The following LDB2 variants were observed in gnomAD, a reference collection of about 807,000 sequenced individuals.
The protein encoded by LDB2 is LIM domain-binding protein 2.
A neutral mutation model predicts 44.3 loss-of-function variants in LDB2; 12 were observed. That is an observed-to-expected ratio of 0.27 (90% CI 0.17 to 0.44). The LOEUF (loss-of-function observed/expected upper bound fraction) is 0.44, where lower values mean the gene tolerates loss of function less well. LDB2 is among the 20% of genes least tolerant of loss of function. The pLI is 1.00. For missense variants in LDB2, 344 were observed against 473.5 expected (o/e 0.73, Z 2.54); for synonymous variants, 164 against 174.8 (o/e 0.94, Z 0.49).
rs536706550 is a variant in LDB2, at chr4:16,608,610, A to G, written c.236-12735T>C. ...GGACCTAGGTGCCAATGCTTACAGC[A>G]GCACGTCACTAATGTCTCTCATAGG... is the stretch of plus-strand genomic sequence containing the variant. On this transcript the variant is annotated intron_variant, in intron 2 of 7. Transcript: ENST00000304523. 7.9e-5 allele frequency among the ~76,000 whole-genome samples: 12 copies of G among 152,336 alleles called. 1 individual carries two copies. In the South Asian group the frequency reaches 1.0e-3, roughly 13 times the overall value.
chr4:16,630,849 A>T (rs538205078), intron 2 of LDB2, among the ~76,000 whole-genome samples: 224 of 152,344 alleles, frequency 1.5e-3, no homozygotes, highest in African/African-American at 5.0e-3. Context: ...GAAGGCCATT[A>T]CATAATGGTA....
intron 5 of LDB2, among the ~76,000 whole-genome samples, chr4:16,535,214 AGGAGAG>A (rs1731403285): frequency 1.3e-5 from 2 of 152,224 alleles, no homozygotes; most frequent in South Asian, 4.1e-4. Flanking sequence ...TCTCACAGGC[AGGAGAG>A]ACCCTCATCT....
chr4:16,891,936 C>A (rs1369079116), intron 1 of LDB2, among the ~76,000 whole-genome samples: 1 of 152,216 alleles, frequency 6.6e-6, no homozygotes, highest in Non-Finnish European at 1.5e-5. Context: ...AAACTACCGT[C>A]TATTTGACCT....
rs530947905 is a variant in LDB2, at chr4:16,842,469, T to C, written c.132+55885A>G. Among the ~76,000 whole-genome samples, 5 of 152,322 alleles carry C rather than the reference T, an allele frequency of 3.3e-5. No homozygotes were observed. In the South Asian group the frequency reaches 1.0e-3, roughly 32 times the overall value. On this transcript the variant is annotated intron_variant, in intron 1 of 7. Coordinates refer to ENST00000304523, the MANE Select transcript of LDB2 (RefSeq NM_001290.5). Reference sequence around the variant, plus strand: ...GCTCTAAACAGTTATTTAAAATATATAAACTAGCTAATTTACCTGTGAATA... The same window carrying C: ...GCTCTAAACAGTTATTTAAAATATACAAACTAGCTAATTTACCTGTGAATA...
At chr4:16,734,758 G>C (rs1201894296) in intron 2 of LDB2, among the ~76,000 whole-genome samples, 1 of 148,820 alleles carries the variant, frequency 6.7e-6, no homozygotes, top group Non-Finnish European at 1.5e-5. Flanking sequence ...GCCCAGGCTG[G>C]ACTGCAGTGG....
intron 2 of LDB2, among the ~76,000 whole-genome samples, chr4:16,715,117 C>T (rs140746117): frequency 1.6e-4 from 24 of 152,154 alleles, no homozygotes; most frequent in East Asian, 1.4e-3. Flanking sequence ...CACAACAGCC[C>T]GATGTGATAG....
At chr4:16,736,237 C>T (rs1405030997) in intron 2 of LDB2, among the ~76,000 whole-genome samples, 3 of 152,184 alleles carry the variant, frequency 2.0e-5, no homozygotes, top group African/African-American at 7.2e-5. Context: ...GCTACATTCA[C>T]CTGCATGCCT....
At chr4:16,814,974 C>A (rs1483345228) in intron 1 of LDB2, among the ~76,000 whole-genome samples, 1 of 152,144 alleles carries the variant, frequency 6.6e-6, no homozygotes, top group African/African-American at 2.4e-5. Flanking sequence ...AAACAATGCC[C>A]GATTTATGGA....
At chr4:16,681,824 G>A (rs547515056) in intron 2 of LDB2, among the ~76,000 whole-genome samples, 90 of 151,876 alleles carry the variant, frequency 5.9e-4, no homozygotes, top group Admixed American at 9.2e-4. Flanking sequence ...GCCCGCCTTG[G>A]CCTCCCAAAG....
At chr4:16,586,172 A>T (rs1000405862) in intron 4 of LDB2, among the ~76,000 whole-genome samples, 167 bp from the exon 5 acceptor site, 1 of 152,222 alleles carries the variant, frequency 6.6e-6, no homozygotes, top group Non-Finnish European at 1.5e-5. Flanking sequence ...ACACTTGCAT[A>T]TAACACTCAA....
rs184428848 is a variant in LDB2 at position 16,753,480 on chromosome 4, G to A, written c.235+5678C>T. Among the ~76,000 whole-genome samples the A allele has an allele frequency of 1.9e-3, 296 of 152,304 alleles. 2 individuals are homozygous for A. Among genetic ancestry groups the A allele is most frequent in the East Asian group, 1.9e-3 (10 of 5,180 alleles). On this transcript the variant is annotated intron_variant, in intron 2 of 7. Coordinates refer to ENST00000304523, the MANE Select transcript of LDB2 (RefSeq NM_001290.5). ...TTTCAGGAAAAATAAAGGAGGTAAGGAACGACAATGTAAAAGAGAAACAGC... is the reference window on the plus strand; with the variant it reads ...TTTCAGGAAAAATAAAGGAGGTAAGAAACGACAATGTAAAAGAGAAACAGC...
At chr4:16,766,451 T>C (rs957398391) in intron 1 of LDB2, among the ~76,000 whole-genome samples, 4 of 138,554 alleles carry the variant, frequency 2.9e-5, no homozygotes, top group African/African-American at 1.1e-4. Flanking sequence ...TGTGTGTATA[T>C]ATATACACAC....
chr4:16,567,082 A>G (rs1156944082), intron 5 of LDB2, among the ~76,000 whole-genome samples: 1 of 152,206 alleles, frequency 6.6e-6, no homozygotes, highest in African/African-American at 2.4e-5. Flanking sequence ...GAAAATATCT[A>G]TCAAAATTAC....
At chr4:16,565,530 CCTTG>C (rs1344474431) in intron 5 of LDB2, among the ~76,000 whole-genome samples, 1 of 151,806 alleles carries the variant, frequency 6.6e-6, no homozygotes, top group Non-Finnish European at 1.5e-5. Flanking sequence ...CAGATAATCA[CCTTG>C]CTTAATGAAA....
At chr4:16,635,914 T>C (rs1166776328) in intron 2 of LDB2, among the ~76,000 whole-genome samples, 2 of 152,192 alleles carry the variant, frequency 1.3e-5, no homozygotes, top group Non-Finnish European at 2.9e-5. Flanking sequence ...GCTGGATTTG[T>C]TGTTTCTGTT....
At chr4:16,546,396 A>G (rs1735753068) in intron 5 of LDB2, among the ~76,000 whole-genome samples, 1 of 152,262 alleles carries the variant, frequency 6.6e-6, no homozygotes, top group Admixed American at 6.5e-5. Flanking sequence ...GTTGTCATTT[A>G]AAATAATTAC....
intron 1 of LDB2, among the ~76,000 whole-genome samples, chr4:16,859,859 T>A (rs554920890): frequency 6.6e-6 from 1 of 152,220 alleles, no homozygotes; most frequent in Admixed American, 6.5e-5. Flanking sequence ...AAGTGACATA[T>A]ATTGAACGTT....
At chr4:16,650,284 C>G (rs192034128) in intron 2 of LDB2, among the ~76,000 whole-genome samples, 66 of 152,210 alleles carry the variant, frequency 4.3e-4, no homozygotes, top group African/African-American at 1.5e-3. Flanking sequence ...TTAATACATG[C>G]CAAATACTTA....
intron 2 of LDB2, among the ~76,000 whole-genome samples, chr4:16,750,205 T>C (rs1053643538): frequency 2.0e-5 from 3 of 152,252 alleles, no homozygotes; most frequent in Non-Finnish European, 4.4e-5. Flanking sequence ...ATAGTCATTA[T>C]GCTGTACATT....
Sources: allele counts gnomAD v4.1 joint callset (sites outside exome capture counted in the v4.1 genomes callset), GRCh38; gene constraint gnomAD v4.1.1; transcripts MANE v1.5; gene names NCBI Gene and HGNC (gene_info 2026-07-23, HGNC 2026-07-21).